TRIM71: variants seen among roughly 807,000 people sequenced by gnomAD.
The protein encoded by TRIM71 is E3 ubiquitin-protein ligase TRIM71.
Under a neutral mutation model 61.2 loss-of-function variants are expected in TRIM71, and 9 were observed. The ratio of observed to expected loss-of-function variants is 0.15; its 90% CI spans 0.09 to 0.26. TRIM71 has a LOEUF of 0.26. Among genes scored for constraint, TRIM71 ranks in the 10% least tolerant of loss-of-function variants. The pLI, the probability that TRIM71 is intolerant of heterozygous loss-of-function variation, is 1.00. For synonymous variants in TRIM71, 645 were observed against 553.2 expected, an observed-to-expected ratio of 1.17 and a Z score of -2.33; for missense variants, 998 against 1,238.7, an observed-to-expected ratio of 0.81 and a Z score of 2.92.
chr3:32,887,983 C>G (rs1428462037), intron 3 of TRIM71, among the ~76,000 whole-genome samples: 2 of 152,136 alleles, frequency 1.3e-5, no homozygotes, highest in South Asian at 4.1e-4. Context: ...TCATGGTCCT[C>G]TGTGAAAACT....
At chr3:32,879,854 G>C (rs1696888844) in intron 2 of TRIM71, among the ~76,000 whole-genome samples, 1 of 151,706 alleles carries the variant, frequency 6.6e-6, no homozygotes, top group Non-Finnish European at 1.5e-5. Context: ...CGTGTCTGTA[G>C]TCCCAGCTAC....
At position 32,890,559 on chromosome 3, in the gene TRIM71, A is replaced by G; in HGVS notation, c.1355A>G (p.Gln452Arg). Residue 452 changes from glutamine (Q) to arginine (R), a missense_variant, in exon 4 of 4, where the codon CAG (glutamine) becomes CGG (arginine). Around this residue, in one of 5 missense-constraint regions of TRIM71, gnomAD observed 291 missense variants for 431.2 expected, o/e 0.67. Coordinates refer to ENST00000383763, the MANE Select transcript of TRIM71 (RefSeq NM_001039111.3). This position sits in a 1 kb window ranked among gnomAD's most constrained non-coding sequence, Gnocchi z 6.2. ...QELKTVRSLLQPQEDDRVMFT... is the reference protein window; with the variant it reads ...QELKTVRSLLRPQEDDRVMFT... ...CTGAAGACCGTGCGGAGCCTCCTGC[A>G]GCCCCAGGAAGACGACCGAGTCATG... 1 of 1,614,072 alleles carries G rather than the reference A, an allele frequency of 6.2e-7. No individual in the cohort carries two copies. Among genetic ancestry groups the G allele is most frequent in the Non-Finnish European group, 8.5e-7 (1 of 1,180,046 alleles).
chr3:32,849,198 T>G (rs1187222718), intron 1 of TRIM71, among the ~76,000 whole-genome samples: 5 of 152,166 alleles, frequency 3.3e-5, no homozygotes, highest in African/African-American at 7.2e-5. Context: ...CCCAGTCTTG[T>G]GGAGCTACTA....
At chr3:32,888,779 G>A (rs1696990423) in intron 3 of TRIM71, among the ~76,000 whole-genome samples, 1 of 152,070 alleles carries the variant, frequency 6.6e-6, no homozygotes, top group African/African-American at 2.4e-5. Flanking sequence ...ACCTCAGGTG[G>A]TCCACCCATC....
At chr3:32,849,105 G>A (rs1696509235) in intron 1 of TRIM71, among the ~76,000 whole-genome samples, 1 of 152,160 alleles carries the variant, frequency 6.6e-6, no homozygotes, top group South Asian at 2.1e-4. Context: ...GGGACTTAAG[G>A]GCATGATAAC....
chr3:32,839,669 G>A (rs1164468062), intron 1 of TRIM71, among the ~76,000 whole-genome samples: 1 of 134,620 alleles, frequency 7.4e-6, no homozygotes, highest in South Asian at 2.9e-4. Flanking sequence ...TTTGGGGGGG[G>A]GGTGGGGGTG....
At chr3:32,829,063 G>T (rs546168726) in intron 1 of TRIM71, among the ~76,000 whole-genome samples, 1 of 151,500 alleles carries the variant, frequency 6.6e-6, no homozygotes, top group Non-Finnish European at 1.5e-5. Flanking sequence ...ATGTGATCTC[G>T]GCTCACTGCA....
chr3:32,847,741 C>T (rs1031335675), intron 1 of TRIM71, among the ~76,000 whole-genome samples: 4 of 152,146 alleles, frequency 2.6e-5, no homozygotes, highest in South Asian at 2.1e-4. Context: ...AGCAGAGATT[C>T]GCCTGGAGTT....
At chr3:32,829,638 G>GTGTGTC (rs1302024351) in intron 1 of TRIM71, among the ~76,000 whole-genome samples, 5 of 151,644 alleles carry the variant, frequency 3.3e-5, no homozygotes, top group Non-Finnish European at 7.4e-5. Context: ...GTGTGTGTGT[G>GTGTGTC]TGTGTGTGTG....
At chr3:32,871,108 T>G (rs957511863) in intron 1 of TRIM71, among the ~76,000 whole-genome samples, 1 of 152,062 alleles carries the variant, frequency 6.6e-6, no homozygotes, top group Non-Finnish European at 1.5e-5. Flanking sequence ...TGTTGTCAAG[T>G]CTCTATTAGG....
intron 1 of TRIM71, among the ~76,000 whole-genome samples, chr3:32,869,878 C>T (rs918038206): frequency 6.6e-6 from 1 of 152,174 alleles, no homozygotes; most frequent in Non-Finnish European, 1.5e-5. Context: ...TGTCGCCAGG[C>T]CCGAGGGGGC....
intron 1 of TRIM71, among the ~76,000 whole-genome samples, chr3:32,863,195 CTTTTTTTT>C (rs11348995): frequency 1.9e-5 from 1 of 53,716 alleles, no homozygotes; most frequent in Non-Finnish European, 3.3e-5. Context: ...TTAATTGAAC[CTTTTTTTT>C]TTTTTTTTTT....
intron 1 of TRIM71, among the ~76,000 whole-genome samples, chr3:32,858,973 C>T (rs1427735282): frequency 6.6e-6 from 1 of 152,072 alleles, no homozygotes; most frequent in African/African-American, 2.4e-5. Context: ...GAAGTTTACC[C>T]TTGTGTATCT....
intron 1 of TRIM71, among the ~76,000 whole-genome samples, chr3:32,848,312 C>T (rs1260524590): frequency 6.6e-6 from 1 of 152,182 alleles, no homozygotes; most frequent in Non-Finnish European, 1.5e-5. Context: ...GCATTTCTTT[C>T]TGCCCTCTTA....
intron 2 of TRIM71, among the ~76,000 whole-genome samples, chr3:32,883,554 A>G (rs1021200043): frequency 6.6e-6 from 1 of 152,308 alleles, no homozygotes; most frequent in South Asian, 2.1e-4. Context: ...CTCTGTGAAC[A>G]TCAGTTTTGG....
chr3:32,832,137 A>G (rs1696280067), intron 1 of TRIM71, among the ~76,000 whole-genome samples: 1 of 152,146 alleles, frequency 6.6e-6, no homozygotes, highest in Non-Finnish European at 1.5e-5. Context: ...TGGCCACTTT[A>G]TATGTGGTCT....
In TRIM71 at chr3:32,894,082, G is replaced by A. The variant is rs1335350469; in HGVS notation, c.*2271G>A. ...TGGCCGTTAAGCTCTAAGTTCTTTG[G>A]TAAAGAGTTAATATAATTAAACATT... On this transcript the variant is annotated 3_prime_UTR_variant, in exon 4 of 4. Coordinates refer to ENST00000383763, the MANE Select transcript of TRIM71 (RefSeq NM_001039111.3). 6.6e-6 allele frequency: 1 copy of A among 152,050 alleles called. No individual in the cohort carries two copies. Among genetic ancestry groups the A allele is most frequent in the Non-Finnish European group, 1.5e-5 (1 of 68,010 alleles). 9.4% of individuals were successfully genotyped at this position (152,050 alleles called of 1,614,324 possible).
chr3:32,890,386 C>T lies in TRIM71; in HGVS notation c.1182C>T (p.Ala394=), dbSNP rs1483066741. 1.2e-6 allele frequency: 2 copies of T among 1,611,860 alleles called. No individual in the cohort carries two copies. The highest frequency in any genetic ancestry group is 1.7e-6 in the Non-Finnish European group (2 of 1,178,088). ...TAGAAAAGATCCGCCAGGTGAAAGC[C>T]AAGTCTCTGTACCTGCAGGTGGAGA... is the stretch of plus-strand genomic sequence containing the variant. ...WKVEKIRQVK[A]KSLYLQVEKL... The change falls in exon 4 of 4, where the codon GCC becomes GCT. Residue 394 remains alanine, a synonymous_variant. Transcript: ENST00000383763. This position sits in a 1 kb window ranked among gnomAD's most constrained non-coding sequence, Gnocchi z 6.2.
chr3:32,853,785 T>C (rs1271557254), intron 1 of TRIM71, among the ~76,000 whole-genome samples: 1 of 152,132 alleles, frequency 6.6e-6, no homozygotes, highest in African/African-American at 2.4e-5. Flanking sequence ...GGCAGGCAGA[T>C]CACTTGAGGC....
Sources: allele counts gnomAD v4.1 joint callset (sites outside exome capture counted in the v4.1 genomes callset), GRCh38; gene constraint gnomAD v4.1.1; regional missense constraint gnomAD v4.1.1; non-coding constraint Gnocchi (gnomAD v3.1); transcripts MANE v1.5; gene names NCBI Gene and HGNC (gene_info 2026-07-23, HGNC 2026-07-21).